CCDC146: variants seen among roughly 807,000 people sequenced by gnomAD.
CCDC146 encodes coiled-coil domain containing 146, also known as coiled-coil domain-containing protein 146.
Under a neutral mutation model 119.3 loss-of-function variants are expected in CCDC146, and 92 were observed. That is an observed-to-expected ratio of 0.77 (90% CI 0.65 to 0.92). CCDC146 has a LOEUF of 0.92. Among genes scored for constraint, CCDC146 ranks in the 40% least tolerant of loss-of-function variants. The pLI is 0.00. For synonymous variants in CCDC146, 372 were observed against 371.8 expected, an observed-to-expected ratio of 1.00 and a Z score of -0.01; for missense variants, 1,000 against 1,103.0, an observed-to-expected ratio of 0.91 and a Z score of 1.32.
chr7:77,218,413 G>A (rs1465029392), intron 2 of CCDC146, among the ~76,000 whole-genome samples: 1 of 151,950 alleles, frequency 6.6e-6, no homozygotes, highest in Non-Finnish European at 1.5e-5. Flanking sequence ...GAGTCAAATA[G>A]TTGTCTTGGT....
chr7:77,294,463 GGTGTGTGTGTGTGTGTGTGTGT>G lies in CCDC146; in HGVS notation c.2665-178_2665-157del, dbSNP rs61323999. Among the ~76,000 whole-genome samples the G allele has an allele frequency of 4.9e-4, 66 of 134,312 alleles. 1 individual carries two copies. The South Asian group carries it at 0.014, about 28-fold the overall frequency. 88.1% of individuals were successfully genotyped at this position (134,312 alleles called of 152,430 possible). A position where few individuals can be genotyped will look rare whatever the true frequency, so the allele number is the denominator to read the frequency against. Reference sequence around the variant, plus strand: ...ATACAGCCCATGCCAATGAGAGGTAGGTGTGTGTGTGTGTGTGTGTGTGTGTGTGTGTGTGTGTGTGTGGTGT... The same window carrying G: ...ATACAGCCCATGCCAATGAGAGGTAGGTGTGTGTGTGTGTGTGTGTGGTGT... On this transcript the variant is annotated intron_variant, in intron 18 of 18. Coordinates refer to ENST00000285871, the MANE Select transcript of CCDC146 (RefSeq NM_020879.3).
At chr7:77,206,441 C>G (rs1792081076) in intron 2 of CCDC146, among the ~76,000 whole-genome samples, 1 of 151,972 alleles carries the variant, frequency 6.6e-6, no homozygotes, top group Non-Finnish European at 1.5e-5. Flanking sequence ...GTGGTGAAAT[C>G]CCATCTCTAC....
chr7:77,169,291 T>C (rs1791382920), intron 2 of CCDC146, among the ~76,000 whole-genome samples: 2 of 152,208 alleles, frequency 1.3e-5, no homozygotes, highest in African/African-American at 4.8e-5. Flanking sequence ...GATGTTGCCT[T>C]GTCCCATTTG....
chr7:77,218,516 C>T (rs563448100), intron 2 of CCDC146, among the ~76,000 whole-genome samples: 1 of 151,748 alleles, frequency 6.6e-6, no homozygotes, highest in South Asian at 2.1e-4. Context: ...GCATTTGCAA[C>T]AGTGAATCCA....
chr7:77,294,156 C>A (rs1044750007), intron 18 of CCDC146, among the ~76,000 whole-genome samples: 1 of 152,210 alleles, frequency 6.6e-6, no homozygotes, highest in Non-Finnish European at 1.5e-5. Context: ...CCACTTTACT[C>A]CTCTACCTCT....
intron 2 of CCDC146, among the ~76,000 whole-genome samples, chr7:77,222,382 C>A (rs1023091070): frequency 6.6e-6 from 1 of 152,198 alleles, no homozygotes; most frequent in Admixed American, 6.5e-5. Context: ...GAAACAGCAT[C>A]TTCAAAACAT....
At chr7:77,236,838 C>T (rs1792744925) in intron 2 of CCDC146, 109 bp from the exon 3 acceptor site, 3 of 803,828 alleles carry the variant, frequency 3.7e-6, no homozygotes, top group Non-Finnish European at 6.2e-6. Context: ...CTCGTGTATC[C>T]TCTAATGTTT....
chr7:77,256,773 C>T (rs1378803847), intron 6 of CCDC146, among the ~76,000 whole-genome samples: 1 of 152,174 alleles, frequency 6.6e-6, no homozygotes, highest in Non-Finnish European at 1.5e-5. Context: ...CATTTCTGGA[C>T]ATTAGAAACA....
chr7:77,212,884 G>A (rs1792214935), intron 2 of CCDC146, among the ~76,000 whole-genome samples: 1 of 149,244 alleles, frequency 6.7e-6, no homozygotes, highest in South Asian at 2.1e-4. Context: ...TTGCTTAATA[G>A]TAAGCCTGTA....
Position 77,295,073 on chromosome 7 carries a change from A to T in CCDC146, c.*207A>T. On this transcript the variant is annotated 3_prime_UTR_variant, in exon 19 of 19. Coordinates refer to ENST00000285871, the MANE Select transcript of CCDC146 (RefSeq NM_020879.3). ...GTTGAATGGGACATAGAACTGTCCTACATTTATGTCAAAGTATATATTTGA... is the reference window on the plus strand; with the variant it reads ...GTTGAATGGGACATAGAACTGTCCTTCATTTATGTCAAAGTATATATTTGA... 1.9e-6 allele frequency: 1 copy of T among 532,144 alleles called. No individual in the cohort carries two copies. 33.0% of individuals were successfully genotyped at this position (532,144 alleles called of 1,614,324 possible).
intron 2 of CCDC146, among the ~76,000 whole-genome samples, chr7:77,229,680 G>A (rs1245286868): frequency 6.6e-6 from 1 of 152,130 alleles, no homozygotes; most frequent in Admixed American, 6.5e-5. Context: ...AAAATTTTAA[G>A]CATGAGTTAG....
intron 9 of CCDC146, among the ~76,000 whole-genome samples, chr7:77,272,781 A>G (rs1488504136): frequency 6.6e-6 from 1 of 152,222 alleles, no homozygotes; most frequent in South Asian, 2.1e-4. Context: ...AAAGACTTAA[A>G]GAGTGAGATT....
At chr7:77,205,167 C>T (rs1792060554) in intron 2 of CCDC146, among the ~76,000 whole-genome samples, 1 of 152,070 alleles carries the variant, frequency 6.6e-6, no homozygotes, top group Non-Finnish European at 1.5e-5. Flanking sequence ...CTATATCTTG[C>T]CTTCATTTCT....
At chr7:77,181,883 C>T (rs758613567) in intron 2 of CCDC146, among the ~76,000 whole-genome samples, 3 of 152,006 alleles carry the variant, frequency 2.0e-5, no homozygotes, top group Non-Finnish European at 2.9e-5. Context: ...GTTATAAATA[C>T]GTCTCCTGTG....
At chr7:77,132,552 A>AC (rs1201670331) in intron 1 of CCDC146, among the ~76,000 whole-genome samples, 3 of 72,556 alleles carry the variant, frequency 4.1e-5, no homozygotes, top group East Asian at 9.0e-4. Flanking sequence ...CTCGATCTCT[A>AC]CAAAAAAAAA....
At chr7:77,256,797 C>A (rs1450474753) in intron 6 of CCDC146, among the ~76,000 whole-genome samples, 1 of 152,142 alleles carries the variant, frequency 6.6e-6, no homozygotes, top group Non-Finnish European at 1.5e-5. Flanking sequence ...GTCACAAACA[C>A]AATTGTTTCC....
chr7:77,276,972 A>T lies in CCDC146; in HGVS notation c.1441-1780A>T, dbSNP rs148693561. On this transcript the variant is annotated intron_variant, in intron 11 of 18. Transcript: ENST00000285871. ...CTGTAATCCCGGCTACTCAGGAGGCAGAGGCATGAGAATCGCTTGAACCCA... is the reference window on the plus strand; with the variant it reads ...CTGTAATCCCGGCTACTCAGGAGGCTGAGGCATGAGAATCGCTTGAACCCA... 1.9e-3 allele frequency among the ~76,000 whole-genome samples: 293 copies of T among 152,220 alleles called. 2 individuals carry two copies. The highest frequency in any genetic ancestry group is 6.7e-3 in the African/African-American group (278 of 41,544).
At chr7:77,242,742 A>G (rs1274847405) in intron 4 of CCDC146, among the ~76,000 whole-genome samples, 1 of 152,164 alleles carries the variant, frequency 6.6e-6, no homozygotes, top group East Asian at 1.9e-4. Context: ...TTCTCTGGCT[A>G]TTTTTAAGAG....
chr7:77,190,394 T>C (rs927932196), intron 2 of CCDC146, among the ~76,000 whole-genome samples: 1 of 152,252 alleles, frequency 6.6e-6, no homozygotes, highest in Non-Finnish European at 1.5e-5. Context: ...TCTGCTGATA[T>C]AAGTTAGCAA....
Sources: gnomAD v4.1 joint callset for allele counts (sites outside exome capture counted in the v4.1 genomes callset) on GRCh38, gnomAD v4.1.1 for gene constraint, MANE v1.5 for transcripts, NCBI Gene and HGNC (gene_info 2026-07-23, HGNC 2026-07-21) for gene names.